The following CUX1 variants were observed in gnomAD, a reference collection of about 807,000 sequenced individuals.
CUX1 encodes the protein cut like homeobox 1.
A neutral mutation model predicts 158.8 loss-of-function variants in CUX1; 31 were observed. That is an observed-to-expected ratio of 0.20 (90% CI 0.15 to 0.26). The LOEUF (loss-of-function observed/expected upper bound fraction) is 0.26, where lower values mean the gene tolerates loss of function less well. CUX1 is among the 10% of genes least tolerant of loss of function. CUX1 has a pLI of 1.00. For synonymous variants in CUX1, 879 were observed against 862.1 expected (o/e 1.02, Z -0.34); for missense variants, 1,589 against 2,014.6 (o/e 0.79, Z 4.04).
chr7:102,062,600 T>A (rs906675844), intron 3 of CUX1, among the ~76,000 whole-genome samples: 1 of 152,076 alleles, frequency 6.6e-6, no homozygotes, highest in Non-Finnish European at 1.5e-5. Flanking sequence ...AGCCTTGACC[T>A]CCTGAGCTCA....
rs534986714 is a variant in CUX1, at chr7:101,833,562, T to TAAAAA, written c.30+15913_30+15917dup. On this transcript the variant is annotated intron_variant, in intron 1 of 23. Coordinates refer to ENST00000292535, the MANE Select transcript of CUX1 (RefSeq NM_181552.4). ...AGAGCAAGAGGAAGACTCTGTCTCT[T>TAAAAA]AAAAAAAAAAAAAAAAAAAAAAAAG... 1.2e-4 allele frequency among the ~76,000 whole-genome samples: 9 copies of TAAAAA among 75,802 alleles called. 1 individual carries two copies. Among genetic ancestry groups the TAAAAA allele is most frequent in the African/African-American group, 2.9e-4 (5 of 17,518 alleles). 49.7% of individuals were successfully genotyped at this position (75,802 alleles called of 152,430 possible).
chr7:102,269,113 GGTTTTTTT>G (rs1554545658), intron 14 of CUX1, among the ~76,000 whole-genome samples: 1 of 90,698 alleles, frequency 1.1e-5, no homozygotes, highest in African/African-American at 5.0e-5. Context: ...TTTTTGTGTG[GGTTTTTTT>G]GTTTGTTTGT....
chr7:102,158,566 C>T lies in CUX1; in HGVS notation c.681C>T (p.Asp227=). 1 of 1,614,028 alleles carries T rather than the reference C, an allele frequency of 6.2e-7. No individual in the cohort carries two copies. The highest frequency in any genetic ancestry group is 8.5e-7 in the Non-Finnish European group (1 of 1,179,994). Residue 227 remains aspartate (D), a synonymous_variant, in exon 9 of 24, where the codon GAC becomes GAT. Transcript: ENST00000292535. ...CTCCCTCTCACCCTCCTAGGGCCGA[C>T]GAGATTGAAATGATCATGACGGACC... ...KYDEETTAKA[D]EIEMIMTDLE... is the part of the protein sequence containing the mutation.
intron 2 of CUX1, among the ~76,000 whole-genome samples, chr7:101,919,758 C>T (rs1300726902): frequency 3.9e-5 from 6 of 152,234 alleles, no homozygotes; most frequent in African/African-American, 1.4e-4. Flanking sequence ...GAGATTTCAC[C>T]TTCTAGACTG....
intron 1 of CUX1, among the ~76,000 whole-genome samples, chr7:101,820,484 T>G (rs1792341667): frequency 6.6e-6 from 1 of 152,204 alleles, no homozygotes; most frequent in Admixed American, 6.5e-5. Context: ...ATATACAGGA[T>G]CCAGGATCGT....
At chr7:101,950,306 G>C (rs181686063) in intron 2 of CUX1, among the ~76,000 whole-genome samples, 1 of 151,726 alleles carries the variant, frequency 6.6e-6, no homozygotes, top group African/African-American at 2.4e-5. Flanking sequence ...CACTGCGCTC[G>C]GCCCAGAAGA....
At chr7:101,911,822 A>G (rs1387900714) in intron 1 of CUX1, among the ~76,000 whole-genome samples, 1 of 152,230 alleles carries the variant, frequency 6.6e-6, no homozygotes, top group African/African-American at 2.4e-5. Flanking sequence ...ACCGGGCCAC[A>G]CGGCTGCCAA....
chr7:102,273,524 T>C, intron 15 of CUX1: 1 of 1,589,316 alleles, frequency 6.3e-7, no homozygotes, highest in Non-Finnish European at 8.6e-7. Context: ...CATGCCCATC[T>C]CGATACCTGC....
At chr7:102,142,976 G>C (rs1834627125) in intron 8 of CUX1, among the ~76,000 whole-genome samples, 1 of 152,046 alleles carries the variant, frequency 6.6e-6, no homozygotes, top group Admixed American at 6.6e-5. Flanking sequence ...GTAACAACCG[G>C]TCCCCATTTC....
intron 2 of CUX1, among the ~76,000 whole-genome samples, chr7:101,957,300 T>C (rs1809899759): frequency 6.6e-6 from 1 of 152,208 alleles, no homozygotes; most frequent in Non-Finnish European, 1.5e-5. Context: ...CTGGTGAACA[T>C]GAGGACACTG....
chr7:102,104,303 C>T (rs782558966), intron 5 of CUX1, 33 bp from the exon 6 acceptor site: 1 of 1,564,010 alleles, frequency 6.4e-7, no homozygotes, highest in Non-Finnish European at 8.6e-7. Context: ...GTATGCTTCT[C>T]TTACTGTAGG....
chr7:101,924,093 T>C (rs1334650461), intron 2 of CUX1, among the ~76,000 whole-genome samples: 3 of 152,154 alleles, frequency 2.0e-5, no homozygotes, highest in East Asian at 1.9e-4. Context: ...CTCCTTTTTA[T>C]TGATCAGGAT....
At chr7:102,161,827 C>T (rs1192152845) in intron 9 of CUX1, among the ~76,000 whole-genome samples, 2 of 151,994 alleles carry the variant, frequency 1.3e-5, no homozygotes, top group African/African-American at 2.4e-5. Flanking sequence ...AGGCTGGTCT[C>T]GAACTCCTGA....
At chr7:101,899,051 A>G (rs1007357035) in intron 1 of CUX1, among the ~76,000 whole-genome samples, 2 of 152,230 alleles carry the variant, frequency 1.3e-5, no homozygotes, top group Non-Finnish European at 2.9e-5. Context: ...TCGTGGGCAG[A>G]GAAGTGGCTG....
rs1554542631 is a variant in CUX1, at chr7:102,257,887, A to C, written c.*8845A>C. The C allele has an allele frequency of 1.0e-6, 1 of 984,350 alleles. No homozygotes were observed. The highest frequency in any genetic ancestry group is 6.2e-5 in the Admixed American group (1 of 16,210). The allele number at this position is 984,350 out of a possible 1,614,324, so 61.0% of individuals were successfully genotyped here. On this transcript the variant is annotated 3_prime_UTR_variant, in exon 24 of 24. Transcript: ENST00000292535. ...TGACCAAAAAAGAAAAAAGGAAAAA[A>C]AAAAAGTCGTCTTTTTTTTTTTTTT...
chr7:101,902,762 G>A (rs1802292844), intron 1 of CUX1, among the ~76,000 whole-genome samples: 1 of 152,128 alleles, frequency 6.6e-6, no homozygotes, highest in Non-Finnish European at 1.5e-5. Context: ...TAATATCTTA[G>A]CCATCAACTG....
At chr7:102,206,679 C>T (rs1316951423) in intron 20 of CUX1, among the ~76,000 whole-genome samples, 1 of 152,132 alleles carries the variant, frequency 6.6e-6, no homozygotes, top group Non-Finnish European at 1.5e-5. Flanking sequence ...GGTGCATCAC[C>T]TGAGGTCAGG....
Position 102,104,367 on chromosome 7 carries a change from C to T in CUX1, c.438C>T (p.Ile146=), listed in dbSNP as rs1554487697. The change falls in exon 6 of 24, where the codon ATC becomes ATT. Residue 146 remains isoleucine, a synonymous_variant. Coordinates refer to ENST00000292535, the MANE Select transcript of CUX1 (RefSeq NM_181552.4). ...CGATAAAAGCACTTAAAGAGAAAAT[C>T]CGAGAATATGAACAGACACTGAAGA... is the stretch of plus-strand genomic sequence containing the variant. ...EVTIKALKEK[I]REYEQTLKNQ... 3.1e-6 allele frequency: 5 copies of T among 1,608,546 alleles called. No individual in the cohort carries two copies. The highest frequency in any genetic ancestry group is 4.2e-6 in the Non-Finnish European group (5 of 1,178,578).
At chr7:102,177,099 A>G (rs1792454115) in intron 10 of CUX1, among the ~76,000 whole-genome samples, 1 of 152,052 alleles carries the variant, frequency 6.6e-6, no homozygotes, top group Admixed American at 6.6e-5. Context: ...TACATTTTCC[A>G]CATCTTTTAA....
Sources: allele counts gnomAD v4.1 joint callset (sites outside exome capture counted in the v4.1 genomes callset), GRCh38; gene constraint gnomAD v4.1.1; transcripts MANE v1.5; gene names NCBI Gene and HGNC (gene_info 2026-07-23, HGNC 2026-07-21).